The following VGLL3 variants were observed in gnomAD, a reference collection of about 807,000 sequenced individuals.
The protein encoded by VGLL3 is vestigial like family member 3.
A neutral mutation model predicts 29.2 loss-of-function variants in VGLL3; 18 were observed. The ratio of observed to expected loss-of-function variants is 0.62; its 90% confidence interval spans 0.43 to 0.91. VGLL3 has a LOEUF of 0.91. Among genes scored for constraint, VGLL3 ranks in the 40% least tolerant of loss-of-function variants. VGLL3 has a pLI of 0.00. For missense variants in VGLL3, 440 were observed against 413.2 expected (o/e 1.06, Z -0.56); for synonymous variants, 180 against 151.8 (o/e 1.19, Z -1.36).
intron 2 of VGLL3, among the ~76,000 whole-genome samples, chr3:86,972,311 G>T (rs1705118283): frequency 6.6e-6 from 1 of 151,984 alleles, no homozygotes; most frequent in South Asian, 2.1e-4. Flanking sequence ...AAATTAAAAG[G>T]AACTTAATAT....
chr3:86,967,157 T>A (rs1704982333), intron 3 of VGLL3, among the ~76,000 whole-genome samples: 1 of 152,046 alleles, frequency 6.6e-6, no homozygotes, highest in African/African-American at 2.4e-5. Flanking sequence ...CTTTGCCTGC[T>A]AAGAGCATTG....
At chr3:86,971,332 A>G (rs1252409479) in intron 2 of VGLL3, among the ~76,000 whole-genome samples, 2 of 152,072 alleles carry the variant, frequency 1.3e-5, no homozygotes, top group Non-Finnish European at 2.9e-5. Context: ...AAGCTCTTCT[A>G]TTCTCTCCCC....
Position 86,981,134 on chromosome 3 carries a change from G to T in VGLL3, c.127-2332C>A, listed in dbSNP as rs187100268. Among the ~76,000 whole-genome samples, 21 of 152,134 alleles carry T rather than the reference G, an allele frequency of 1.4e-4. No individual in the cohort carries two copies. In the East Asian group the frequency reaches 3.3e-3, roughly 24 times the overall value. On this transcript the variant is annotated intron_variant, in intron 1 of 3. Coordinates refer to ENST00000398399, the MANE Select transcript of VGLL3 (RefSeq NM_016206.4). ...AAAATTGAAGTTATATATATGTAAAGGATTTGAAGGCCATGAATCCTGATA... is the reference window on the plus strand; with the variant it reads ...AAAATTGAAGTTATATATATGTAAATGATTTGAAGGCCATGAATCCTGATA...
At chr3:86,947,937 G>A (rs1373258089) in intron 3 of VGLL3, among the ~76,000 whole-genome samples, 1 of 151,546 alleles carries the variant, frequency 6.6e-6, no homozygotes, top group Non-Finnish European at 1.5e-5. Flanking sequence ...CGTACTCGAA[G>A]TTACTTTTAT....
intron 2 of VGLL3, among the ~76,000 whole-genome samples, chr3:86,975,940 C>T (rs1264101184): frequency 6.6e-6 from 1 of 151,924 alleles, no homozygotes; most frequent in Non-Finnish European, 1.5e-5. Context: ...GGTGAAACCC[C>T]GTCTCTACCA....
At chr3:86,988,003 T>C (rs1705487949) in intron 1 of VGLL3, among the ~76,000 whole-genome samples, 2 of 152,286 alleles carry the variant, frequency 1.3e-5, no homozygotes, top group African/African-American at 4.8e-5. Flanking sequence ...ATATGATCAT[T>C]TGTTAAGAGG....
At chr3:86,974,164 C>CT (rs1480508843) in intron 2 of VGLL3, among the ~76,000 whole-genome samples, 14 of 150,948 alleles carry the variant, frequency 9.3e-5, no homozygotes, top group Admixed American at 7.9e-4. Context: ...GTCACACAGG[C>CT]TGGAGTACAA....
rs1705268678 is a variant in VGLL3, at chr3:86,978,887, G to T, written c.127-85C>A. On this transcript the variant is annotated intron_variant, in intron 1 of 3. Coordinates refer to ENST00000398399, the MANE Select transcript of VGLL3 (RefSeq NM_016206.4). ...TTAAGTTTTCACTTTTTTAAAAAAA[G>T]AATCTAAATATTAACATATGTTTGC... The T allele has an allele frequency of 7.2e-6, 10 of 1,392,046 alleles. No homozygotes were observed. The East Asian group carries it at 1.5e-4, about 20-fold the overall frequency. The allele number at this position is 1,392,046 out of a possible 1,614,324, so 86.2% of individuals were successfully genotyped here.
chr3:86,945,451 T>C lies in VGLL3; in HGVS notation c.*1573A>G, dbSNP rs576270311. ...AATGGGAGAAATTTGAAAAAACCTC[T>C]TTATAAAGCTAAAAAACTTCTCTAA... On this transcript the variant is annotated 3_prime_UTR_variant, in exon 4 of 4. Coordinates refer to ENST00000398399, the MANE Select transcript of VGLL3 (RefSeq NM_016206.4). 1.3e-5 allele frequency: 2 copies of C among 152,248 alleles called. No homozygotes were observed. Among genetic ancestry groups the C allele is most frequent in the East Asian group, 1.9e-4 (1 of 5,178 alleles). 9.4% of individuals were successfully genotyped at this position (152,248 alleles called of 1,614,324 possible). A position where few individuals can be genotyped will look rare whatever the true frequency, so the allele number is the denominator to read the frequency against.
At chr3:86,954,598 A>G (rs1229539236) in intron 3 of VGLL3, among the ~76,000 whole-genome samples, 3 of 152,242 alleles carry the variant, frequency 2.0e-5, no homozygotes, top group African/African-American at 7.2e-5. Context: ...CATATATAAA[A>G]AACATGAATC....
intron 3 of VGLL3, chr3:86,962,164 G>A (rs1229158422): frequency 1.0e-6 from 1 of 985,252 alleles, no homozygotes; most frequent in African/African-American, 1.7e-5. Flanking sequence ...TGGTAAAGAT[G>A]AGCATTTTTC....
intron 2 of VGLL3, among the ~76,000 whole-genome samples, chr3:86,972,642 CAT>C (rs753653480): frequency 3.4e-4 from 51 of 152,194 alleles, no homozygotes; most frequent in Non-Finnish European, 6.6e-4. Context: ...ATGAAGAAGA[CAT>C]ATGAAAAACT....
rs751928465 is a variant in VGLL3, at chr3:86,947,835, A to T, written c.938-768T>A. Reference sequence around the variant, plus strand: ...AAAATCAGTAAGAAGTTTATCAAACAGAAAACGGGAAATGTGACTTTTATC... The same window carrying T: ...AAAATCAGTAAGAAGTTTATCAAACTGAAAACGGGAAATGTGACTTTTATC... On this transcript the variant is annotated intron_variant, in intron 3 of 3. Coordinates refer to ENST00000398399, the MANE Select transcript of VGLL3 (RefSeq NM_016206.4). Among the ~76,000 whole-genome samples the T allele has an allele frequency of 2.3e-4, 35 of 152,296 alleles. No homozygotes were observed. In the South Asian group the frequency reaches 2.9e-3, roughly 13 times the overall value.
intron 1 of VGLL3, chr3:86,990,249 T>C (rs903736170): frequency 2.0e-5 from 19 of 950,776 alleles, no homozygotes; most frequent in Non-Finnish European, 2.1e-5. Flanking sequence ...CCCTGAAACA[T>C]TCCATCTTTC....
chr3:86,954,902 CAA>C (rs879461102), intron 3 of VGLL3, among the ~76,000 whole-genome samples: 1 of 128,102 alleles, frequency 7.8e-6, no homozygotes, highest in Admixed American at 7.5e-5. Context: ...GGAGCAAAAC[CAA>C]AAAAAAAAAA....
intron 3 of VGLL3, among the ~76,000 whole-genome samples, chr3:86,967,890 G>T (rs1365413684): frequency 1.3e-5 from 2 of 152,132 alleles, no homozygotes; most frequent in Admixed American, 6.6e-5. Flanking sequence ...GCTCTGTGAA[G>T]AAATCATTTC....
intron 2 of VGLL3, among the ~76,000 whole-genome samples, chr3:86,972,415 A>G (rs1158450234): frequency 6.6e-6 from 1 of 152,242 alleles, no homozygotes; most frequent in Admixed American, 6.5e-5. Context: ...CAATTGAAAC[A>G]ATATTGAGTT....
At chr3:86,957,928 C>T (rs1045783160) in intron 3 of VGLL3, among the ~76,000 whole-genome samples, 9 of 151,998 alleles carry the variant, frequency 5.9e-5, no homozygotes, top group African/African-American at 2.2e-4. Flanking sequence ...TATTAGTGAC[C>T]TCAATACCTG....
chr3:86,972,489 A>G (rs1705123555), intron 2 of VGLL3, among the ~76,000 whole-genome samples: 1 of 152,030 alleles, frequency 6.6e-6, no homozygotes, highest in Non-Finnish European at 1.5e-5. Context: ...CTTGTTTAAG[A>G]AAAAAAAGTC....
Sources: allele counts gnomAD v4.1 joint callset (sites outside exome capture counted in the v4.1 genomes callset), GRCh38; gene constraint gnomAD v4.1.1; transcripts MANE v1.5; gene names NCBI Gene and HGNC (gene_info 2026-07-23, HGNC 2026-07-21).